Variants in IL1RAPL1 observed in about 807,000 individuals in gnomAD.
The protein encoded by IL1RAPL1 is interleukin 1 receptor accessory protein like 1.
A neutral mutation model predicts 48.4 loss-of-function variants in IL1RAPL1; 3 were observed. That is an observed-to-expected ratio of 0.06 (90% confidence interval 0.03 to 0.16). The LOEUF is 0.16. Ranked by LOEUF, IL1RAPL1 falls within the 10% of genes least tolerant of loss-of-function variation. The pLI, the probability that IL1RAPL1 is intolerant of heterozygous loss-of-function variation, is 1.00. For missense variants in IL1RAPL1, 349 were observed against 530.6 expected (o/e 0.66, Z 3.36); for synonymous variants, 185 against 187.7 (o/e 0.99, Z 0.12).
chrX:28,894,469 G>A (rs1275687332), intron 2 of IL1RAPL1, among the ~76,000 whole-genome samples: 5 of 111,596 alleles, frequency 4.5e-5, no homozygotes, highest in African/African-American at 1.6e-4. Context: ...TGGGGGTCAG[G>A]TGTGGTATCC....
At chrX:29,385,792 C>G (rs1321747293) in intron 3 of IL1RAPL1, among the ~76,000 whole-genome samples, 1 of 112,177 alleles carries the variant, frequency 8.9e-6, no homozygotes, top group South Asian at 3.7e-4. Context: ...TTGGGTGTTG[C>G]TGCTATGAAT....
chrX:28,802,657 T>A (rs1386157251), intron 2 of IL1RAPL1, among the ~76,000 whole-genome samples: 1 of 112,304 alleles, frequency 8.9e-6, no homozygotes, highest in Non-Finnish European at 1.9e-5. Flanking sequence ...TAAAGAAAAA[T>A]TATTCTTATC....
At chrX:29,620,209 C>CT (rs762510614) in intron 5 of IL1RAPL1, among the ~76,000 whole-genome samples, 6 of 111,920 alleles carry the variant, frequency 5.4e-5, no homozygotes, top group Non-Finnish European at 9.4e-5. Flanking sequence ...TGATGACTAG[C>CT]TTTAAGACAA....
At chrX:29,491,602 A>C (rs749999581) in intron 5 of IL1RAPL1, among the ~76,000 whole-genome samples, 1 of 112,324 alleles carries the variant, frequency 8.9e-6, no homozygotes, top group Non-Finnish European at 1.9e-5. Context: ...TTAATTTCTC[A>C]TTATGAGACA....
intron 2 of IL1RAPL1, among the ~76,000 whole-genome samples, chrX:29,236,265 A>G (rs1931291228): frequency 8.9e-6 from 1 of 112,069 alleles, no homozygotes; most frequent in African/African-American, 3.2e-5. Context: ...TTAAAAGTGA[A>G]TAACTTCTTT....
intron 6 of IL1RAPL1, among the ~76,000 whole-genome samples, chrX:29,803,441 ATG>A (rs2147172680): frequency 1.0e-5 from 1 of 95,992 alleles, no homozygotes; most frequent in Admixed American, 1.2e-4. Flanking sequence ...GTATACATCT[ATG>A]TATATATGTG....
intron 5 of IL1RAPL1, among the ~76,000 whole-genome samples, chrX:29,444,112 C>T (rs1021281973): frequency 1.5e-4 from 17 of 111,513 alleles, no homozygotes; most frequent in African/African-American, 2.9e-4. Context: ...GAGGCCAAGG[C>T]GGGCGGATCA....
chrX:28,978,256 T>G (rs1925252622), intron 2 of IL1RAPL1, among the ~76,000 whole-genome samples: 1 of 111,190 alleles, frequency 9.0e-6, no homozygotes, highest in East Asian at 2.9e-4. Context: ...CAAAGACTGG[T>G]GATCCACAGT....
chrX:29,551,628 C>T (rs1002251722), intron 5 of IL1RAPL1, among the ~76,000 whole-genome samples: 1 of 111,392 alleles, frequency 9.0e-6, no homozygotes, highest in African/African-American at 3.3e-5. Context: ...TTTTGATATT[C>T]ATGTACGTAA....
At chrX:29,851,523 T>C (rs1252649219) in intron 6 of IL1RAPL1, among the ~76,000 whole-genome samples, 2 of 112,307 alleles carry the variant, frequency 1.8e-5, no homozygotes, top group Admixed American at 9.4e-5. Context: ...TTTATCATAC[T>C]GAAATTATTT....
chrX:29,548,421 T>A (rs1041581027), intron 5 of IL1RAPL1, among the ~76,000 whole-genome samples: 2 of 112,276 alleles, frequency 1.8e-5, no homozygotes, highest in African/African-American at 6.5e-5. Flanking sequence ...AGTTTAGCTG[T>A]TTGAGTAACT....
In IL1RAPL1 at chrX:28,927,685, A is replaced by G. The variant is rs145383600; in HGVS notation, c.82+138260A>G. Among the ~76,000 whole-genome samples, 361 of 104,519 alleles carry G rather than the reference A, an allele frequency of 3.5e-3. 1 individual carries two copies. The highest frequency in any genetic ancestry group is 0.012 in the African/African-American group (323 of 28,068). 90.8% of individuals were successfully genotyped at this position (104,519 alleles called of 115,157 possible). A position where few individuals can be genotyped will look rare whatever the true frequency, so the allele number is the denominator to read the frequency against. On this transcript the variant is annotated intron_variant, in intron 2 of 10. Coordinates refer to ENST00000378993, the MANE Select transcript of IL1RAPL1 (RefSeq NM_014271.4). ...TATTGCATTGTCAAATTGAATGGCC[A>G]TGTCTCTGTTCTTCCCATACTTGAT... is the stretch of plus-strand genomic sequence containing the variant.
At chrX:29,690,898 C>T (rs1178342817) in intron 6 of IL1RAPL1, among the ~76,000 whole-genome samples, 2 of 111,556 alleles carry the variant, frequency 1.8e-5, no homozygotes, top group Non-Finnish European at 3.8e-5. Flanking sequence ...CATTATTCTC[C>T]TTCTATCCAG....
intron 6 of IL1RAPL1, among the ~76,000 whole-genome samples, chrX:29,865,636 C>CTTTTTTTTTTT (rs1171882981): frequency 9.8e-4 from 75 of 76,315 alleles, no homozygotes; most frequent in South Asian, 1.2e-3. Context: ...CTTTTCTTTT[C>CTTTTTTTTTTT]TTTTTTTTTT....
intron 6 of IL1RAPL1, among the ~76,000 whole-genome samples, chrX:29,687,698 C>T (rs1169562831): frequency 1.8e-5 from 2 of 111,811 alleles, no homozygotes; most frequent in African/African-American, 6.5e-5. Flanking sequence ...GATAGATATG[C>T]TAATTACCCT....
intron 2 of IL1RAPL1, among the ~76,000 whole-genome samples, chrX:28,810,813 A>G (rs1936786188): frequency 9.1e-6 from 1 of 110,274 alleles, no homozygotes; most frequent in South Asian, 3.8e-4. Flanking sequence ...CCACTGTCCT[A>G]TGAGATCTAT....
chrX:29,195,663 G>T (rs1203473022), intron 2 of IL1RAPL1, among the ~76,000 whole-genome samples: 1 of 105,360 alleles, frequency 9.5e-6, no homozygotes, highest in African/African-American at 3.5e-5. Context: ...GGGTTCAAGC[G>T]ATTCTCCTCC....
chrX:29,495,005 T>A (rs1340185143), intron 5 of IL1RAPL1, among the ~76,000 whole-genome samples: 1 of 111,977 alleles, frequency 8.9e-6, no homozygotes, highest in Admixed American at 9.5e-5. Flanking sequence ...TTCCAGTTTC[T>A]AAAAGAAAAA....
intron 6 of IL1RAPL1, among the ~76,000 whole-genome samples, chrX:29,817,825 G>T (rs185082651): frequency 9.0e-6 from 1 of 111,710 alleles, no homozygotes; most frequent in African/African-American, 3.2e-5. Flanking sequence ...CTCTTCCTCT[G>T]CTCTGTAATT....
Sources: allele counts gnomAD v4.1 joint callset (sites outside exome capture counted in the v4.1 genomes callset), GRCh38; gene constraint gnomAD v4.1.1; transcripts MANE v1.5; gene names NCBI Gene and HGNC (gene_info 2026-07-23, HGNC 2026-07-21).